Variants in CELF1 observed in about 807,000 individuals in gnomAD.
CELF1 encodes CUGBP Elav-like family member 1, also known as 50 kDa nuclear polyadenylated RNA-binding protein.
Under a neutral mutation model 61.8 loss-of-function variants are expected in CELF1, and 10 were observed. The ratio of observed to expected loss-of-function variants is 0.16; its 90% CI spans 0.10 to 0.27. CELF1 has a LOEUF of 0.27. Ranked by LOEUF, CELF1 falls within the 10% of genes least tolerant of loss-of-function variation. CELF1 has a pLI of 1.00. For synonymous variants in CELF1, 236 were observed against 225.1 expected (o/e 1.05, Z -0.43); for missense variants, 380 against 639.1 (o/e 0.59, Z 4.37).
intron 3 of CELF1, chr11:47,494,558 T>C (rs1267774311): frequency 1.1e-6 from 1 of 883,244 alleles, no homozygotes; most frequent in African/African-American, 1.8e-5. Context: ...CTCTTCTCTT[T>C]CTCCTTTCTT....
At chr11:47,551,431 T>C (rs2097134402) in intron 1 of CELF1, among the ~76,000 whole-genome samples, 1 of 152,220 alleles carries the variant, frequency 6.6e-6, no homozygotes, top group Non-Finnish European at 1.5e-5. Flanking sequence ...AACCACATAC[T>C]AGGTAAGTAA....
chr11:47,477,952 G>A (rs1596191984), intron 10 of CELF1, among the ~76,000 whole-genome samples: 1 of 152,264 alleles, frequency 6.6e-6, no homozygotes, highest in East Asian at 1.9e-4. Context: ...AAAGAGGAGA[G>A]AGGAAAAATC....
At chr11:47,541,725 AGAACG>A (rs2096791088) in intron 1 of CELF1, among the ~76,000 whole-genome samples, 1 of 35,584 alleles carries the variant, frequency 2.8e-5, no homozygotes, top group Non-Finnish European at 6.8e-5. Context: ...AAAGAAAGAA[AGAACG>A]AAAGAAAGAA....
upstream of CELF1, among the ~76,000 whole-genome samples, chr11:47,554,228 A>G (rs2097195966): frequency 6.6e-6 from 1 of 152,110 alleles, no homozygotes; most frequent in African/African-American, 2.4e-5. Context: ...GGTACCATAT[A>G]GTCCTTAAAT....
intron 9 of CELF1, among the ~76,000 whole-genome samples, chr11:47,479,672 A>C (rs1443763869): frequency 6.6e-6 from 1 of 152,230 alleles, no homozygotes; most frequent in Non-Finnish European, 1.5e-5. Context: ...TTGTGGCATT[A>C]GTTTACTTTG....
At chr11:47,561,773 C>A (rs893052177) in intron 2 of CELF1, among the ~76,000 whole-genome samples, 1 of 152,116 alleles carries the variant, frequency 6.6e-6, no homozygotes, top group Admixed American at 6.6e-5. Context: ...CTCAAATGTT[C>A]ATAAACTGAT....
At chr11:47,516,252 A>C (rs1315933935) in intron 1 of CELF1, among the ~76,000 whole-genome samples, 2 of 152,188 alleles carry the variant, frequency 1.3e-5, no homozygotes, top group African/African-American at 2.4e-5. Flanking sequence ...ATGGACCACA[A>C]ATGTTTTTTG....
At chr11:47,532,972 T>C (rs2096526841) in intron 1 of CELF1, among the ~76,000 whole-genome samples, 1 of 152,226 alleles carries the variant, frequency 6.6e-6, no homozygotes, top group Non-Finnish European at 1.5e-5. Flanking sequence ...ATACTGGCTT[T>C]TCTCTGAACC....
intron 1 of CELF1, among the ~76,000 whole-genome samples, chr11:47,508,597 C>CA (rs2094741260): frequency 3.1e-5 from 4 of 129,254 alleles, no homozygotes; most frequent in Admixed American, 7.5e-5. Context: ...CCCAAAAGAA[C>CA]AAAAAAACAA....
intron 3 of CELF1, among the ~76,000 whole-genome samples, chr11:47,497,937 A>G (rs1299361613): frequency 1.3e-5 from 2 of 152,318 alleles, no homozygotes; most frequent in Non-Finnish European, 2.9e-5. Flanking sequence ...TATTACAATG[A>G]AAGACAATTT....
intron 1 of CELF1, among the ~76,000 whole-genome samples, chr11:47,551,655 G>A (rs1162884549): frequency 6.6e-6 from 1 of 152,194 alleles, no homozygotes; most frequent in East Asian, 1.9e-4. Flanking sequence ...TGGGCAAGGG[G>A]AAAGCATCCA....
chr11:47,496,623 A>G (rs746110275), intron 3 of CELF1, among the ~76,000 whole-genome samples: 1 of 152,202 alleles, frequency 6.6e-6, no homozygotes, highest in Non-Finnish European at 1.5e-5. Context: ...TCAGCTGCAT[A>G]GAGTAGGCAA....
At chr11:47,481,922 G>A (rs1236666568) in intron 9 of CELF1, among the ~76,000 whole-genome samples, 4 of 152,088 alleles carry the variant, frequency 2.6e-5, no homozygotes, top group Non-Finnish European at 2.9e-5. Flanking sequence ...CTTGATCTCC[G>A]CCAGGCGCAG....
chr11:47,547,882 T>C (rs937212598), intron 1 of CELF1, among the ~76,000 whole-genome samples: 1 of 151,604 alleles, frequency 6.6e-6, no homozygotes, highest in Non-Finnish European at 1.5e-5. Context: ...GAGGGGAAAA[T>C]TGAGAGTTAT....
chr11:47,558,180 G>C (rs1020161091), intron 2 of CELF1, among the ~76,000 whole-genome samples: 1 of 151,832 alleles, frequency 6.6e-6, no homozygotes, highest in African/African-American at 2.4e-5. Context: ...TTAAGGCCTG[G>C]TTACATTCAG....
intron 3 of CELF1, among the ~76,000 whole-genome samples, chr11:47,496,274 C>T (rs2093079192): frequency 6.6e-6 from 1 of 152,236 alleles, no homozygotes. Context: ...AAGTCACCAT[C>T]CAACAACAGA....
At chr11:47,484,332 C>T (rs995787951) in intron 7 of CELF1, 57 bp downstream of exon 7, 24 of 1,571,558 alleles carry the variant, frequency 1.5e-5, no homozygotes, top group Non-Finnish European at 2.0e-5. Flanking sequence ...AAAAAAAAAC[C>T]CCAAACCAAA....
chr11:47,562,975 AGT>A (rs2097231260), intron 2 of CELF1, among the ~76,000 whole-genome samples: 2 of 151,972 alleles, frequency 1.3e-5, no homozygotes, highest in Non-Finnish European at 2.9e-5. Context: ...CGCCTCCCAA[AGT>A]GCTGGGATTA....
At chr11:47,514,579 G>A (rs941885239) in intron 1 of CELF1, among the ~76,000 whole-genome samples, 1 of 151,744 alleles carries the variant, frequency 6.6e-6, no homozygotes, top group Non-Finnish European at 1.5e-5. Flanking sequence ...TTTTTGGCCA[G>A]GCATGATGGC....
Sources: allele counts gnomAD v4.1 joint callset (sites outside exome capture counted in the v4.1 genomes callset), GRCh38; gene constraint gnomAD v4.1.1; transcripts MANE v1.5; gene names NCBI Gene and HGNC (gene_info 2026-07-23, HGNC 2026-07-21).